The following RTN3 variants were observed in gnomAD, a reference collection of about 807,000 sequenced individuals.
The protein encoded by RTN3 is reticulon-3.
A neutral mutation model predicts 77.8 loss-of-function variants in RTN3; 49 were observed. That is an observed-to-expected ratio of 0.63 (90% confidence interval 0.50 to 0.80). The LOEUF (loss-of-function observed/expected upper bound fraction) is 0.80, where lower values mean the gene tolerates loss of function less well. RTN3 is among the 30% of genes least tolerant of loss of function. The pLI, the probability that RTN3 is intolerant of heterozygous loss-of-function variation, is 0.00. For missense variants in RTN3, 1,236 were observed against 1,211.9 expected, an observed-to-expected ratio of 1.02 and a Z score of -0.29; for synonymous variants, 464 against 446.9, an observed-to-expected ratio of 1.04 and a Z score of -0.48.
intron 1 of RTN3, among the ~76,000 whole-genome samples, chr11:63,692,634 G>GC (rs1203125702): frequency 1.3e-5 from 2 of 151,974 alleles, no homozygotes; most frequent in Admixed American, 1.3e-4. Flanking sequence ...GGTGGCATGC[G>GC]CCTGTAGTTC....
At chr11:63,696,669 C>A (rs1232398370) in intron 1 of RTN3, among the ~76,000 whole-genome samples, 2 of 150,142 alleles carry the variant, frequency 1.3e-5, no homozygotes, top group Admixed American at 1.3e-4. Flanking sequence ...CCTCAGCCTC[C>A]CGAGTAGCTG....
chr11:63,709,584 T>A (rs1261974740), intron 2 of RTN3, among the ~76,000 whole-genome samples: 3 of 148,782 alleles, frequency 2.0e-5, no homozygotes, highest in African/African-American at 7.4e-5. Context: ...AGCCTTTTTT[T>A]AAAAAAAAAA....
intron 2 of RTN3, among the ~76,000 whole-genome samples, chr11:63,714,687 A>G (rs2011294594): frequency 6.6e-6 from 1 of 150,930 alleles, no homozygotes; most frequent in Non-Finnish European, 1.5e-5. Context: ...TAATTTTTCT[A>G]TTTTTTGTAG....
intron 3 of RTN3, among the ~76,000 whole-genome samples, chr11:63,722,609 GCTT>G (rs2011902929): frequency 6.6e-6 from 1 of 152,098 alleles, no homozygotes; most frequent in Non-Finnish European, 1.5e-5. Context: ...AGACATTGAG[GCTT>G]TTTGATAAAC....
chr11:63,702,201 GT>G (rs1378346875), intron 1 of RTN3, among the ~76,000 whole-genome samples: 2 of 151,706 alleles, frequency 1.3e-5, no homozygotes, highest in Admixed American at 1.3e-4. Flanking sequence ...GGAGGGTTTT[GT>G]TTTTCACATG....
At chr11:63,722,389 A>G (rs539837162) in intron 3 of RTN3, among the ~76,000 whole-genome samples, 1 of 152,282 alleles carries the variant, frequency 6.6e-6, no homozygotes, top group Non-Finnish European at 1.5e-5. Flanking sequence ...TATCTTTTTA[A>G]GTTTTAATAT....
intron 1 of RTN3, among the ~76,000 whole-genome samples, chr11:63,700,281 A>ATTTTTTTTTTT (rs1942168875): frequency 2.0e-4 from 1 of 4,890 alleles, no homozygotes; most frequent in African/African-American, 8.1e-4. Context: ...TGATTCTTTT[A>ATTTTTTTTTTT]CTTTTTTTTT....
intron 1 of RTN3, among the ~76,000 whole-genome samples, chr11:63,682,123 TAG>T (rs2134586121): frequency 1.3e-5 from 2 of 152,220 alleles, no homozygotes; most frequent in African/African-American, 4.8e-5. Context: ...TAGTGAGGAT[TAG>T]AGAGATTGAA....
At chr11:63,681,831 G>C (rs1941068561) in intron 1 of RTN3, 53 bp downstream of exon 1, 1 of 1,463,766 alleles carries the variant, frequency 6.8e-7, no homozygotes, top group Non-Finnish European at 9.0e-7. Context: ...CGGGAGCCTG[G>C]GGGCTGGGGG....
intron 1 of RTN3, among the ~76,000 whole-genome samples, chr11:63,687,752 AC>A (rs1268245868): frequency 1.3e-5 from 2 of 152,176 alleles, no homozygotes; most frequent in African/African-American, 4.8e-5. Context: ...TTAAATCCTG[AC>A]CTTTATTAAA....
rs569460199 is a variant in RTN3 at position 63,699,971 on chromosome 11, C to T, written c.143-4880C>T. 1.4e-4 allele frequency among the ~76,000 whole-genome samples: 21 copies of T among 152,296 alleles called. No homozygotes were observed. The South Asian group carries it at 4.1e-3, about 30-fold the overall frequency. On this transcript the variant is annotated intron_variant, in intron 1 of 8. Transcript: ENST00000377819. ...GTGACACAAATACAGAATATGAATA[C>T]AATGTGGTTTTGTAAGTTAGAAACC...
At chr11:63,691,542 C>T (rs985093181) in intron 1 of RTN3, among the ~76,000 whole-genome samples, 2 of 152,152 alleles carry the variant, frequency 1.3e-5, no homozygotes, top group African/African-American at 4.8e-5. Context: ...TAGGCATGAG[C>T]CACAGTGCCT....
At chr11:63,701,924 T>C (rs1565308246) in intron 1 of RTN3, among the ~76,000 whole-genome samples, 1 of 152,084 alleles carries the variant, frequency 6.6e-6, no homozygotes, top group African/African-American at 2.4e-5. Flanking sequence ...GGCAGCAGAG[T>C]GAAACTTTGT....
chr11:63,721,020 A>G lies in RTN3; in HGVS notation c.2518A>G (p.Thr840Ala). 6.3e-7 allele frequency: 1 copy of G among 1,596,178 alleles called. No homozygotes were observed. The highest frequency in any genetic ancestry group is 1.1e-5 in the South Asian group (1 of 89,032). The change falls in exon 3 of 9, where the codon ACA becomes GCA. Residue 840 changes from threonine to alanine, a missense_variant. Coordinates refer to ENST00000377819, the MANE Select transcript of RTN3 (RefSeq NM_001265589.2). ...AAAGCATGTCCTAGCAAGACTTCTGACAGACTTCTCAGGTAACCATTTATA... is the reference window on the plus strand; with the variant it reads ...AAAGCATGTCCTAGCAAGACTTCTGGCAGACTTCTCAGGTAACCATTTATA... ...VKKHVLARLL[T>A]DFSVHDLIFW... is the part of the protein sequence containing the mutation.
intron 2 of RTN3, among the ~76,000 whole-genome samples, chr11:63,718,015 CA>C (rs557512588): frequency 0.16 from 15,957 of 100,534 alleles, 900 homozygotes; most frequent in Middle Eastern, 0.22. Flanking sequence ...GACTCCGTAT[CA>C]AAAAAAAAAA....
chr11:63,746,567 T>C (rs926972758), intron 3 of RTN3, among the ~76,000 whole-genome samples: 1 of 151,808 alleles, frequency 6.6e-6, no homozygotes, highest in Non-Finnish European at 1.5e-5. Flanking sequence ...CAAGCTAGAG[T>C]GAAGTGGCGC....
chr11:63,684,129 G>GTTTTTTTTTTTTTTT (rs61663789), intron 1 of RTN3, among the ~76,000 whole-genome samples: 28 of 85,270 alleles, frequency 3.3e-4, no homozygotes, highest in African/African-American at 1.2e-3. Flanking sequence ...TTTTCTTTTG[G>GTTTTTTTTTTTTTTT]TTTTTTTTTT....
intron 2 of RTN3, among the ~76,000 whole-genome samples, chr11:63,709,127 A>G (rs547168155): frequency 2.0e-4 from 30 of 152,324 alleles, no homozygotes; most frequent in Admixed American, 2.6e-4. Flanking sequence ...TGCTGTACCT[A>G]TAATAAAGAT....
chr11:63,721,583 A>G (rs920521310), intron 3 of RTN3, among the ~76,000 whole-genome samples: 3 of 151,902 alleles, frequency 2.0e-5, no homozygotes, highest in Admixed American at 6.6e-5. Flanking sequence ...TCAAAAAAAA[A>G]AAAAAAAAGA....
Sources: gnomAD v4.1 joint callset for allele counts (sites outside exome capture counted in the v4.1 genomes callset) on GRCh38, gnomAD v4.1.1 for gene constraint, MANE v1.5 for transcripts, NCBI Gene and HGNC (gene_info 2026-07-23, HGNC 2026-07-21) for gene names.